The following CCDC7 variants were observed in gnomAD, a reference collection of about 807,000 sequenced individuals.
CCDC7 encodes coiled-coil domain-containing protein 7.
A neutral mutation model predicts 196.9 loss-of-function variants in CCDC7; 183 were observed. That is an observed-to-expected ratio of 0.93 (90% CI 0.82 to 1.05). The LOEUF (loss-of-function observed/expected upper bound fraction) is 1.05. Among genes scored for constraint, CCDC7 ranks in the 50% least tolerant of loss-of-function variants. The probability of loss-of-function intolerance (pLI) is 0.00; values close to 1 mark genes in which losing one functional copy is unlikely to be tolerated. For synonymous variants in CCDC7, 525 were observed against 484.6 expected, an observed-to-expected ratio of 1.08 and a Z score of -1.10; for missense variants, 1,540 against 1,482.2, an observed-to-expected ratio of 1.04 and a Z score of -0.64.
intron 30 of CCDC7, among the ~76,000 whole-genome samples, chr10:32,809,179 G>A (rs375183487): frequency 6.6e-6 from 1 of 152,124 alleles, no homozygotes; most frequent in Admixed American, 6.5e-5. Context: ...AAAAAGCGAG[G>A]AAATGTGACA....
intron 28 of CCDC7, among the ~76,000 whole-genome samples, chr10:32,773,317 A>C (rs2079459206): frequency 6.6e-6 from 1 of 152,122 alleles, no homozygotes; most frequent in South Asian, 2.1e-4. Flanking sequence ...AGGTTAGCTT[A>C]TTTGATGTTG....
downstream of CCDC7, among the ~76,000 whole-genome samples, chr10:32,881,738 C>A (rs1050421312): frequency 6.6e-6 from 1 of 152,108 alleles, no homozygotes; most frequent in Non-Finnish European, 1.5e-5. Flanking sequence ...ACCCGCCCCC[C>A]ACACCCCACA....
At chr10:32,642,947 T>G (rs1165452864) in intron 20 of CCDC7, among the ~76,000 whole-genome samples, 1 of 152,254 alleles carries the variant, frequency 6.6e-6, no homozygotes, top group Non-Finnish European at 1.5e-5. Flanking sequence ...ATTAAATTAT[T>G]TTAAATTAAA....
At chr10:32,503,350 A>T (rs1302789642) in intron 9 of CCDC7, among the ~76,000 whole-genome samples, 1 of 152,166 alleles carries the variant, frequency 6.6e-6, no homozygotes, top group Admixed American at 6.5e-5. Flanking sequence ...GGGTCTTATT[A>T]TGAAAGGATG....
intron 41 of CCDC7, among the ~76,000 whole-genome samples, chr10:32,867,729 T>C (rs1407240818): frequency 6.6e-6 from 1 of 151,824 alleles, no homozygotes; most frequent in Admixed American, 6.6e-5. Flanking sequence ...GTTTATATTG[T>C]TTATTTTTAA....
chr10:32,646,111 T>A (rs1332581998), intron 20 of CCDC7, among the ~76,000 whole-genome samples: 10 of 151,624 alleles, frequency 6.6e-5, no homozygotes, highest in Admixed American at 4.6e-4. Flanking sequence ...TGAGGAGTAA[T>A]GTTAGGTTGT....
At chr10:32,855,121 A>G (rs2093699504) in intron 41 of CCDC7, among the ~76,000 whole-genome samples, 1 of 152,172 alleles carries the variant, frequency 6.6e-6, no homozygotes. Flanking sequence ...TATTGTTAAG[A>G]TATCAGTACC....
intron 7 of CCDC7, among the ~76,000 whole-genome samples, chr10:32,473,235 A>C (rs758848966): frequency 6.6e-6 from 1 of 152,184 alleles, no homozygotes; most frequent in African/African-American, 2.4e-5. Flanking sequence ...TGTTCAACCT[A>C]AGGAGTTAGA....
At chr10:32,482,170 C>T (rs899886964) in intron 8 of CCDC7, among the ~76,000 whole-genome samples, 4 of 145,920 alleles carry the variant, frequency 2.7e-5, no homozygotes, top group African/African-American at 9.8e-5. Flanking sequence ...ATCCTGTAGG[C>T]TTTATTTATT....
chr10:32,878,192 T>A (rs537844523), downstream of CCDC7, among the ~76,000 whole-genome samples: 17 of 152,174 alleles, frequency 1.1e-4, no homozygotes, highest in African/African-American at 4.1e-4. Flanking sequence ...GTGGGTAGTG[T>A]GACTGGGAAT....
chr10:32,612,647 A>G (rs2062296927), intron 18 of CCDC7, among the ~76,000 whole-genome samples: 1 of 152,132 alleles, frequency 6.6e-6, no homozygotes, highest in Non-Finnish European at 1.5e-5. Flanking sequence ...AATTTTATTG[A>G]AGACCTTTTC....
chr10:32,517,111 TA>T lies in CCDC7; in HGVS notation c.873-831del, dbSNP rs2047142894. 2.6e-5 allele frequency among the ~76,000 whole-genome samples: 4 copies of T among 152,242 alleles called. No homozygotes were observed. The South Asian group carries it at 8.3e-4, about 32-fold the overall frequency. On this transcript the variant is annotated intron_variant, in intron 9 of 41. Coordinates refer to ENST00000639629, the Ensembl canonical transcript of CCDC7. ...CTAACCTGAAACTTATTTTTGTAAA[TA>T]AAGTTTAATTGGAATACAGCCATAC...
intron 33 of CCDC7, 47 bp from the exon 35 acceptor site, chr10:32,845,196 T>A (rs2093210366): frequency 8.4e-7 from 1 of 1,192,928 alleles, no homozygotes; most frequent in African/African-American, 1.5e-5. Flanking sequence ...TCAGATTTGG[T>A]AATGTTTACC....
At chr10:32,509,851 T>G (rs1320257264) in intron 9 of CCDC7, among the ~76,000 whole-genome samples, 2 of 152,154 alleles carry the variant, frequency 1.3e-5, no homozygotes, top group Non-Finnish European at 2.9e-5. Context: ...ACATCATACT[T>G]GTTAGGTTGG....
At chr10:32,712,684 C>A (rs994393615) in intron 25 of CCDC7, among the ~76,000 whole-genome samples, 1 of 152,186 alleles carries the variant, frequency 6.6e-6, no homozygotes, top group African/African-American at 2.4e-5. Context: ...TCTAACTAAT[C>A]CTGATCATCC....
At position 32,579,236 on chromosome 10, in the gene CCDC7, G is replaced by GT. The variant is rs375784551; in HGVS notation, c.1455-3788dup. ...TATGGAGTGTCAAGTACTAGTTTTT[G>GT]TTTTTTTTTTCTTAACCAAACAGAC... On this transcript the variant is annotated intron_variant, in intron 16 of 41. Transcript: ENST00000639629. Among the ~76,000 whole-genome samples the GT allele has an allele frequency of 1.2e-3, 182 of 146,984 alleles. 1 individual carries two copies. The highest frequency in any genetic ancestry group is 3.1e-3 in the African/African-American group (124 of 40,218).
intron 23 of CCDC7, among the ~76,000 whole-genome samples, chr10:32,691,299 C>T (rs748213108): frequency 6.6e-5 from 10 of 152,066 alleles, no homozygotes; most frequent in Non-Finnish European, 1.2e-4. Flanking sequence ...ACCCATGGCC[C>T]ACTACCTGGC....
At chr10:32,557,939 C>T (rs1027184741) in intron 13 of CCDC7, among the ~76,000 whole-genome samples, 3 of 152,214 alleles carry the variant, frequency 2.0e-5, no homozygotes, top group African/African-American at 7.2e-5. Context: ...GCAATCCTCC[C>T]ACCTTGGCCT....
At chr10:32,701,150 G>A (rs2078648592) in intron 24 of CCDC7, among the ~76,000 whole-genome samples, 1 of 152,188 alleles carries the variant, frequency 6.6e-6, no homozygotes, top group South Asian at 2.1e-4. Flanking sequence ...CAAAGGGAAT[G>A]CGTCCAGTTT....
Sources: gnomAD v4.1 joint callset for allele counts (sites outside exome capture counted in the v4.1 genomes callset) on GRCh38, gnomAD v4.1.1 for gene constraint, MANE v1.5 for transcripts, NCBI Gene and HGNC (gene_info 2026-07-23, HGNC 2026-07-21) for gene names.